Variants in SERPINB7 observed in about 807,000 individuals in gnomAD.
The protein encoded by SERPINB7 is serpin B7.
In SERPINB7, 31 loss-of-function variants were observed where a neutral mutation model predicts 37.4. That is an observed-to-expected ratio of 0.83 (90% CI 0.62 to 1.12). SERPINB7 has a LOEUF of 1.12. Ranked by LOEUF, SERPINB7 falls within the 50% of genes most tolerant of loss-of-function variation. The probability of loss-of-function intolerance (pLI) is 0.00; values close to 1 mark genes in which losing one functional copy is unlikely to be tolerated. For synonymous variants in SERPINB7, 163 were observed against 166.1 expected (o/e 0.98, Z 0.14); for missense variants, 521 against 455.3 (o/e 1.14, Z -1.31).
chr18:63,782,595 A>G lies in SERPINB7; in HGVS notation c.168+55A>G, dbSNP rs568910897. The G allele has an allele frequency of 7.6e-4, 1,140 of 1,505,922 alleles. 12 individuals are homozygous for G. Among genetic ancestry groups the G allele is most frequent in the Middle Eastern group, 4.2e-3 (18 of 4,314 alleles). 93.3% of individuals were successfully genotyped at this position (1,505,922 alleles called of 1,614,324 possible). ...GGGACAAATTGTTTTTCCCACGAGAACATTTCGTTGCAATGGTCCCCATGT... is the reference window on the plus strand; with the variant it reads ...GGGACAAATTGTTTTTCCCACGAGAGCATTTCGTTGCAATGGTCCCCATGT... On this transcript the variant is annotated intron_variant, in intron 2 of 7. Transcript: ENST00000398019.
intron 2 of SERPINB7, among the ~76,000 whole-genome samples, chr18:63,788,095 T>C (rs772646816): frequency 1.3e-5 from 2 of 152,220 alleles, no homozygotes; most frequent in Non-Finnish European, 2.9e-5. Context: ...CAGTATACTT[T>C]TAGTAGTTAT....
At chr18:63,767,545 G>A (rs950416407) in intron 1 of SERPINB7, among the ~76,000 whole-genome samples, 3 of 152,094 alleles carry the variant, frequency 2.0e-5, no homozygotes, top group Admixed American at 6.6e-5. Context: ...TCCTTGGAGT[G>A]TTAATAGATT....
intron 2 of SERPINB7, among the ~76,000 whole-genome samples, chr18:63,784,956 C>T (rs982063405): frequency 6.6e-6 from 1 of 152,126 alleles, no homozygotes; most frequent in Non-Finnish European, 1.5e-5. Flanking sequence ...CCTGGTGGGC[C>T]AGGGTCAACA....
At chr18:63,803,014 T>C (rs1344000569) in intron 7 of SERPINB7, among the ~76,000 whole-genome samples, 1 of 152,170 alleles carries the variant, frequency 6.6e-6, no homozygotes, top group Non-Finnish European at 1.5e-5. Context: ...CATACAGCAA[T>C]TAGTTTAACT....
intron 1 of SERPINB7, among the ~76,000 whole-genome samples, chr18:63,769,955 C>A (rs1004022497): frequency 6.6e-6 from 1 of 151,038 alleles, no homozygotes; most frequent in Non-Finnish European, 1.5e-5. Flanking sequence ...TCCCACCTCA[C>A]GACTTGGTGC....
chr18:63,803,055 A>G (rs2049566785), intron 7 of SERPINB7, among the ~76,000 whole-genome samples: 2 of 152,208 alleles, frequency 1.3e-5, no homozygotes, highest in Admixed American at 6.5e-5. Flanking sequence ...AAAGTAGCCC[A>G]GATAAAGCAA....
chr18:63,768,963 T>C (rs2049195282), intron 1 of SERPINB7, among the ~76,000 whole-genome samples: 1 of 152,186 alleles, frequency 6.6e-6, no homozygotes, highest in Non-Finnish European at 1.5e-5. Flanking sequence ...TGTTTGGCTA[T>C]ACCACAATTT....
At chr18:63,794,380 C>G (rs572649106) in intron 4 of SERPINB7, among the ~76,000 whole-genome samples, 3 of 152,132 alleles carry the variant, frequency 2.0e-5, no homozygotes, top group African/African-American at 7.2e-5. Flanking sequence ...ATGTTTCAAC[C>G]TTCCTAGGCC....
intron 1 of SERPINB7, among the ~76,000 whole-genome samples, chr18:63,767,622 T>C (rs1184835574): frequency 6.6e-6 from 1 of 152,112 alleles, no homozygotes; most frequent in Non-Finnish European, 1.5e-5. Context: ...TTGGTTGTGA[T>C]GTATTATAAT....
intron 1 of SERPINB7, among the ~76,000 whole-genome samples, chr18:63,781,475 A>G (rs999407378): frequency 6.6e-6 from 1 of 152,238 alleles, no homozygotes; most frequent in Non-Finnish European, 1.5e-5. Context: ...ATCATTGGAC[A>G]TTCATGAGGA....
chr18:63,754,941 G>A (rs1440668099), intron 1 of SERPINB7, among the ~76,000 whole-genome samples: 23 of 127,086 alleles, frequency 1.8e-4, no homozygotes, highest in African/African-American at 3.9e-4. Context: ...CGCCCAGGCC[G>A]GACTGCGGAC....
intron 1 of SERPINB7, chr18:63,777,879 GACACACACACAC>G (rs67119027): frequency 0.1 from 13,644 of 131,212 alleles, 861 homozygotes; most frequent in South Asian, 0.19. Flanking sequence ...TTTGAAAAAA[GACACACACACAC>G]ACACACACAC....
intron 4 of SERPINB7, among the ~76,000 whole-genome samples, 194 bp from the exon 5 acceptor site, chr18:63,796,072 G>C (rs2049484595): frequency 6.6e-6 from 1 of 152,086 alleles, no homozygotes; most frequent in South Asian, 2.1e-4. Context: ...AGTATTTGCT[G>C]AACAAATTCA....
chr18:63,786,310 G>C (rs1211015966), intron 2 of SERPINB7, among the ~76,000 whole-genome samples: 1 of 146,420 alleles, frequency 6.8e-6, no homozygotes, highest in East Asian at 2.0e-4. Context: ...TACACGTTTG[G>C]ATTATATATG....
intron 7 of SERPINB7, among the ~76,000 whole-genome samples, 160 bp from the exon 8 acceptor site, chr18:63,804,077 T>G (rs2049578471): frequency 6.6e-6 from 1 of 152,214 alleles, no homozygotes; most frequent in South Asian, 2.1e-4. Flanking sequence ...GCTATTCATT[T>G]TATTCATGTT....
chr18:63,758,983 A>T (rs1726742817), intron 1 of SERPINB7, among the ~76,000 whole-genome samples: 1 of 152,152 alleles, frequency 6.6e-6, no homozygotes, highest in South Asian at 2.1e-4. Context: ...CTAAATGTGG[A>T]CCCACTTCTT....
chr18:63,769,729 C>T (rs561814750), intron 1 of SERPINB7, among the ~76,000 whole-genome samples: 2 of 152,184 alleles, frequency 1.3e-5, no homozygotes, highest in East Asian at 3.9e-4. Flanking sequence ...GAAACTGTAT[C>T]ATAATTTAGT....
At chr18:63,802,826 C>T (rs943974634) in intron 7 of SERPINB7, among the ~76,000 whole-genome samples, 6 of 152,084 alleles carry the variant, frequency 3.9e-5, no homozygotes, top group Non-Finnish European at 7.4e-5. Flanking sequence ...ACAAAGATTA[C>T]GGAATTTTAG....
At chr18:63,754,941 G>C (rs1440668099) in intron 1 of SERPINB7, among the ~76,000 whole-genome samples, 1 of 127,040 alleles carries the variant, frequency 7.9e-6, no homozygotes, top group Admixed American at 9.8e-5. Flanking sequence ...CGCCCAGGCC[G>C]GACTGCGGAC....
Sources: gnomAD v4.1 joint callset for allele counts (sites outside exome capture counted in the v4.1 genomes callset) on GRCh38, gnomAD v4.1.1 for gene constraint, MANE v1.5 for transcripts, NCBI Gene and HGNC (gene_info 2026-07-23, HGNC 2026-07-21) for gene names.